The following AGMO variants were observed in gnomAD, a reference collection of about 807,000 sequenced individuals.
AGMO encodes the protein alkylglycerol monooxygenase, also known as glyceryl-ether monooxygenase.
Under a neutral mutation model 60.2 loss-of-function variants are expected in AGMO, and 75 were observed. That is an observed-to-expected ratio of 1.25 (90% CI 1.03 to 1.51). The LOEUF (loss-of-function observed/expected upper bound fraction) is 1.51. AGMO is among the 40% of genes most tolerant of loss of function. AGMO has a pLI of 0.00. For synonymous variants in AGMO, 261 were observed against 177.1 expected, an observed-to-expected ratio of 1.47 and a Z score of -3.76; for missense variants, 763 against 525.5, an observed-to-expected ratio of 1.45 and a Z score of -4.42.
At chr7:15,499,202 T>G (rs1025889060) in intron 3 of AGMO, among the ~76,000 whole-genome samples, 1 of 151,892 alleles carries the variant, frequency 6.6e-6, no homozygotes, top group Non-Finnish European at 1.5e-5. Context: ...AAGAGCAATG[T>G]GCAGGAGGCT....
At chr7:15,239,422 G>A (rs1782523531) in intron 12 of AGMO, among the ~76,000 whole-genome samples, 1 of 152,148 alleles carries the variant, frequency 6.6e-6, no homozygotes, top group African/African-American at 2.4e-5. Flanking sequence ...AGTCTCCAGG[G>A]ATAGTAAAAT....
At chr7:15,268,045 TAAAG>T (rs145788122) in intron 12 of AGMO, among the ~76,000 whole-genome samples, 26 of 152,058 alleles carry the variant, frequency 1.7e-4, no homozygotes, top group Non-Finnish European at 3.1e-4. Context: ...TGCATGATAA[TAAAG>T]AAATATTTTA....
chr7:15,191,671 G>A, the AGMO span, among the ~76,000 whole-genome samples: 1 of 151,924 alleles, frequency 6.6e-6, no homozygotes. Flanking sequence ...GTTCTTCAAG[G>A]GTCTCAATAA....
chr7:15,181,432 A>G, the AGMO span, among the ~76,000 whole-genome samples: 2 of 152,164 alleles, frequency 1.3e-5, no homozygotes, highest in Admixed American at 6.5e-5. Context: ...GACCCAAACG[A>G]AACTATTTTA....
At chr7:15,312,544 G>A (rs1022902438) in intron 12 of AGMO, among the ~76,000 whole-genome samples, 4 of 150,998 alleles carry the variant, frequency 2.6e-5, no homozygotes, top group East Asian at 2.0e-4. Flanking sequence ...TGGCGGGGGC[G>A]GTGGGGGGAG....
intron 12 of AGMO, among the ~76,000 whole-genome samples, chr7:15,264,582 A>C (rs1783375830): frequency 6.6e-6 from 1 of 152,068 alleles, no homozygotes; most frequent in South Asian, 2.1e-4. Flanking sequence ...TAAACAAATA[A>C]AGCAAAAACC....
intron 12 of AGMO, among the ~76,000 whole-genome samples, chr7:15,225,757 C>A (rs1334885820): frequency 6.6e-6 from 1 of 151,774 alleles, no homozygotes; most frequent in Admixed American, 6.6e-5. Context: ...ATAAATATAT[C>A]TTTGTTCATA....
chr7:15,318,855 GA>G (rs1781020856), intron 12 of AGMO, among the ~76,000 whole-genome samples: 1 of 152,006 alleles, frequency 6.6e-6, no homozygotes. Context: ...CAGGCTTCTT[GA>G]TGCTGTCCAC....
In AGMO at chr7:15,561,982, A is replaced by G. The variant is rs1367243657; in HGVS notation, c.-137T>C. The G allele has an allele frequency of 1.2e-6, 1 of 825,056 alleles. No individual in the cohort carries two copies. Among genetic ancestry groups the G allele is most frequent in the African/African-American group, 1.7e-5 (1 of 57,288 alleles). The allele number at this position is 825,056 out of a possible 1,614,324, so 51.1% of individuals were successfully genotyped here. ...AACAGCTAAAACCAAAGCTCCACTG[A>G]GAGCACACTCAACAGCCGATTCTGT... On this transcript the variant is annotated 5_prime_UTR_variant, in exon 1 of 13. Coordinates refer to ENST00000342526, the MANE Select transcript of AGMO (RefSeq NM_001004320.2).
intron 2 of AGMO, among the ~76,000 whole-genome samples, chr7:15,554,186 T>G (rs1785062190): frequency 6.6e-6 from 1 of 152,060 alleles, no homozygotes; most frequent in Non-Finnish European, 1.5e-5. Context: ...CCAAAGTTCC[T>G]TCCTCTTTCT....
chr7:15,495,939 G>A (rs1783218895), intron 3 of AGMO, among the ~76,000 whole-genome samples: 1 of 151,754 alleles, frequency 6.6e-6, no homozygotes, highest in Non-Finnish European at 1.5e-5. Context: ...AATTCATTGT[G>A]AGAGTCTCAT....
chr7:15,384,780 G>C (rs1386382771), intron 10 of AGMO, among the ~76,000 whole-genome samples: 2 of 144,416 alleles, frequency 1.4e-5, no homozygotes, highest in Non-Finnish European at 3.0e-5. Flanking sequence ...TTTTAATGAA[G>C]AATACAAATA....
At chr7:15,436,963 A>C (rs1488727378) in intron 3 of AGMO, among the ~76,000 whole-genome samples, 1 of 152,196 alleles carries the variant, frequency 6.6e-6, no homozygotes, top group East Asian at 1.9e-4. Context: ...TTTAGATTGA[A>C]AACAATCATC....
the AGMO span, among the ~76,000 whole-genome samples, chr7:15,139,900 C>T: frequency 6.7e-6 from 1 of 149,260 alleles, no homozygotes; most frequent in Admixed American, 6.7e-5. Context: ...GCATTTAACC[C>T]AACTATATAT....
At chr7:15,305,180 T>C (rs1780575613) in intron 12 of AGMO, among the ~76,000 whole-genome samples, 1 of 150,644 alleles carries the variant, frequency 6.6e-6, no homozygotes, top group Non-Finnish European at 1.5e-5. Context: ...ACCATCCTGC[T>C]ATTCTCCACC....
intron 12 of AGMO, among the ~76,000 whole-genome samples, chr7:15,231,171 G>A (rs10232896): frequency 0.015 from 2,219 of 152,208 alleles, 51 homozygotes; most frequent in African/African-American, 0.051. Context: ...TAATTTCTCC[G>A]TAATTCCTAA....
chr7:15,453,640 C>T lies in AGMO; in HGVS notation c.410-22532G>A, dbSNP rs76993954. Among the ~76,000 whole-genome samples, 667 of 152,194 alleles carry T rather than the reference C, an allele frequency of 4.4e-3. 2 individuals carry two copies. Among genetic ancestry groups the T allele is most frequent in the Non-Finnish European group, 7.9e-3 (535 of 68,014 alleles). On this transcript the variant is annotated intron_variant, in intron 3 of 12. Transcript: ENST00000342526. ...ACTTATTTCAGGCAAAGGAAAATAC[C>T]AAAGTCAGAAAAACCTAGAAGGTGA...
chr7:15,256,530 T>A (rs192117354), intron 12 of AGMO, among the ~76,000 whole-genome samples: 318 of 152,072 alleles, frequency 2.1e-3, no homozygotes, highest in Admixed American at 4.8e-3. Context: ...TGTAATTTTT[T>A]GTGTGTGTAT....
chr7:15,306,436 T>C (rs1027578483), intron 12 of AGMO: 6 of 452,440 alleles, frequency 1.3e-5, no homozygotes, highest in African/African-American at 8.3e-5. Context: ...AACTGGATAA[T>C]AGGAAACATA....
Sources: allele counts gnomAD v4.1 joint callset (sites outside exome capture counted in the v4.1 genomes callset), GRCh38; gene constraint gnomAD v4.1.1; transcripts MANE v1.5; gene names NCBI Gene and HGNC (gene_info 2026-07-23, HGNC 2026-07-21).